Variants in AKAP6 observed in about 807,000 individuals in gnomAD.
AKAP6 encodes the protein A-kinase anchor protein 6.
In AKAP6, 58 loss-of-function variants were observed where a neutral mutation model predicts 188.5. That is an observed-to-expected ratio of 0.31 (90% CI 0.25 to 0.38). AKAP6 has a LOEUF of 0.38. Among genes scored for constraint, AKAP6 ranks in the 10% least tolerant of loss-of-function variants. The probability of loss-of-function intolerance (pLI) is 1.00; values close to 1 mark genes in which losing one functional copy is unlikely to be tolerated. For synonymous variants in AKAP6, 989 were observed against 998.6 expected (o/e 0.99, Z 0.18); for missense variants, 2,710 against 2,740.0 (o/e 0.99, Z 0.24).
chr14:32,607,230 C>A (rs555687828), intron 7 of AKAP6, among the ~76,000 whole-genome samples: 1 of 152,182 alleles, frequency 6.6e-6, no homozygotes, highest in Non-Finnish European at 1.5e-5. Context: ...GCATTCTTTT[C>A]TTTTCTGGCT....
intron 1 of AKAP6, among the ~76,000 whole-genome samples, chr14:32,401,573 C>T (rs1404181051): frequency 6.6e-6 from 1 of 152,172 alleles, no homozygotes; most frequent in Non-Finnish European, 1.5e-5. Flanking sequence ...ACTTTCATCT[C>T]ATTTCTACAT....
At chr14:32,475,520 C>T (rs147075354) in intron 2 of AKAP6, among the ~76,000 whole-genome samples, 119 of 152,182 alleles carry the variant, frequency 7.8e-4, no homozygotes, top group African/African-American at 2.6e-3. Context: ...CTATGCAGAG[C>T]AAAGCTTCCA....
chr14:32,367,101 A>G (rs1887860113), intron 1 of AKAP6, among the ~76,000 whole-genome samples: 2 of 152,214 alleles, frequency 1.3e-5, no homozygotes, highest in South Asian at 4.1e-4. Flanking sequence ...CCTCCTGGGA[A>G]CAGTGGTCTA....
intron 9 of AKAP6, among the ~76,000 whole-genome samples, chr14:32,723,549 G>A (rs1441057463): frequency 1.4e-5 from 2 of 144,904 alleles, no homozygotes; most frequent in East Asian, 4.0e-4. Flanking sequence ...ATATGTGTGC[G>A]TATGTGTTTA....
rs2034555627 is a variant in AKAP6, at chr14:32,822,530, C to T, written c.4717C>T (p.Pro1573Ser). ...SHSSSIESLS[P>S]GGDLFGLGIF... ...TAGTTCATCTATTGAGTCCCTTTCT[C>T]CAGGGGGTGATTTATTTGGATTGGG... Residue 1573 changes from proline (P) to serine (S), a missense_variant, in exon 13 of 14, where the codon CCA (proline) becomes TCA (serine). Pro to Ser is a moderately conservative substitution (Grantham distance 74). This residue lies in a region of AKAP6 where 2,473 missense variants were observed against 2,426.1 expected (regional missense o/e 1.02). Coordinates refer to ENST00000280979, the MANE Select transcript of AKAP6 (RefSeq NM_004274.5). 1 of 1,613,890 alleles carries T rather than the reference C, an allele frequency of 6.2e-7. No homozygotes were observed. Among genetic ancestry groups the T allele is most frequent in the South Asian group, 1.1e-5 (1 of 91,084 alleles).
rs1555325855 is a variant in AKAP6 at position 32,404,711 on chromosome 14, T to TA, written c.-34-28749_-34-28748insA. 7.5e-3 allele frequency among the ~76,000 whole-genome samples: 968 copies of TA among 128,270 alleles called. 63 individuals carry two copies. The highest frequency in any genetic ancestry group is 0.013 in the Non-Finnish European group (777 of 59,108). 84.2% of individuals were successfully genotyped at this position (128,270 alleles called of 152,430 possible). A position where few individuals can be genotyped will look rare whatever the true frequency, so the allele number is the denominator to read the frequency against. On this transcript the variant is annotated intron_variant, in intron 1 of 13. Transcript: ENST00000280979. ...CAGGAGATATATATATATATATATA[T>TA]TAGTCAGAATGTCAGCAGGAAATAG...
intron 2 of AKAP6, among the ~76,000 whole-genome samples, chr14:32,457,751 G>A (rs905611600): frequency 6.6e-6 from 1 of 152,124 alleles, no homozygotes; most frequent in African/African-American, 2.4e-5. Flanking sequence ...TGAAATTTCT[G>A]AATTGTTCCA....
At chr14:32,650,682 G>A (rs1383376405) in intron 7 of AKAP6, among the ~76,000 whole-genome samples, 1 of 152,026 alleles carries the variant, frequency 6.6e-6, no homozygotes, top group Non-Finnish European at 1.5e-5. Context: ...AAAAAGAAAA[G>A]TAAACCAATG....
At chr14:32,768,422 G>T (rs2032784373) in intron 11 of AKAP6, among the ~76,000 whole-genome samples, 1 of 152,060 alleles carries the variant, frequency 6.6e-6, no homozygotes, top group South Asian at 2.1e-4. Context: ...ACAAAAAAGA[G>T]TAAAATCACC....
At chr14:32,417,503 G>A (rs532413677) in intron 1 of AKAP6, among the ~76,000 whole-genome samples, 31 of 152,270 alleles carry the variant, frequency 2.0e-4, no homozygotes, top group Admixed American at 9.2e-4. Context: ...CAAGGAAGCT[G>A]CCAGTTCTTT....
chr14:32,510,388 ATATG>A (rs1336486924), intron 2 of AKAP6, among the ~76,000 whole-genome samples: 3 of 81,734 alleles, frequency 3.7e-5, no homozygotes, highest in Admixed American at 1.3e-4. Context: ...GTGTATATAT[ATATG>A]TGTATATATA....
intron 1 of AKAP6, chr14:32,402,048 A>G (rs1889111189): frequency 6.6e-6 from 1 of 152,250 alleles, no homozygotes; most frequent in Non-Finnish European, 1.5e-5. Context: ...AGTTGAATAA[A>G]AAGGGCGGAG....
intron 7 of AKAP6, among the ~76,000 whole-genome samples, chr14:32,626,885 G>C (rs975397833): frequency 6.6e-6 from 1 of 152,076 alleles, no homozygotes; most frequent in Non-Finnish European, 1.5e-5. Flanking sequence ...TTTCTTACCA[G>C]TGCCTCACAC....
intron 3 of AKAP6, among the ~76,000 whole-genome samples, chr14:32,538,568 G>T (rs1952740275): frequency 6.6e-6 from 1 of 151,686 alleles, no homozygotes; most frequent in Non-Finnish European, 1.5e-5. Flanking sequence ...AAAAAAAATT[G>T]GCCAATACCT....
At chr14:32,574,810 T>C (rs1205222121) in intron 4 of AKAP6, among the ~76,000 whole-genome samples, 1 of 152,188 alleles carries the variant, frequency 6.6e-6, no homozygotes, top group Non-Finnish European at 1.5e-5. Flanking sequence ...TAAATTCTGC[T>C]TTTCTGACTA....
intron 1 of AKAP6, among the ~76,000 whole-genome samples, chr14:32,352,731 C>G (rs1230919649): frequency 6.6e-6 from 1 of 152,222 alleles, no homozygotes; most frequent in African/African-American, 2.4e-5. Flanking sequence ...CTGCAAATGA[C>G]AAGATTTCAT....
At chr14:32,501,969 C>T (rs1880630110) in intron 2 of AKAP6, among the ~76,000 whole-genome samples, 1 of 152,084 alleles carries the variant, frequency 6.6e-6, no homozygotes, top group Admixed American at 6.6e-5. Context: ...TGCCTTATTA[C>T]TGGATCGTTT....
At chr14:32,549,496 T>G (rs994230832) in intron 4 of AKAP6, among the ~76,000 whole-genome samples, 17 of 151,944 alleles carry the variant, frequency 1.1e-4, no homozygotes, top group Non-Finnish European at 1.5e-4. Context: ...GGTTGGAAGG[T>G]TTGTCATCAG....
intron 3 of AKAP6, among the ~76,000 whole-genome samples, chr14:32,541,363 T>C (rs185383950): frequency 2.0e-5 from 3 of 151,770 alleles, no homozygotes; most frequent in Non-Finnish European, 4.4e-5. Flanking sequence ...AATATATTCA[T>C]GTAACATCAC....
Sources: allele counts gnomAD v4.1 joint callset (sites outside exome capture counted in the v4.1 genomes callset), GRCh38; gene constraint gnomAD v4.1.1; regional missense constraint gnomAD v4.1.1; transcripts MANE v1.5; gene names NCBI Gene and HGNC (gene_info 2026-07-23, HGNC 2026-07-21).